KIF13B: variants seen among roughly 807,000 people sequenced by gnomAD.
The protein encoded by KIF13B is kinesin-like protein KIF13B.
A neutral mutation model predicts 222.0 loss-of-function variants in KIF13B; 127 were observed. The observed-to-expected ratio is 0.57, with a 90% confidence interval of 0.50 to 0.66. KIF13B has a LOEUF of 0.66. Ranked by LOEUF, KIF13B falls within the 30% of genes least tolerant of loss-of-function variation. The pLI is 0.00. For missense variants in KIF13B, 2,173 were observed against 2,379.0 expected (o/e 0.91, Z 1.80); for synonymous variants, 976 against 919.0 (o/e 1.06, Z -1.12).
At chr8:29,079,471 G>GT (rs1807708947) in intron 37 of KIF13B, among the ~76,000 whole-genome samples, 2 of 152,260 alleles carry the variant, frequency 1.3e-5, no homozygotes, top group South Asian at 4.1e-4. Context: ...ATTCATCCCT[G>GT]TATTTCCTTA....
intron 1 of KIF13B, among the ~76,000 whole-genome samples, 189 bp downstream of exon 1, chr8:29,262,791 G>A (rs1017540529): frequency 6.6e-6 from 1 of 150,860 alleles, no homozygotes; most frequent in Non-Finnish European, 1.5e-5. Flanking sequence ...GGCCAGGGGG[G>A]AAGGGAGGGG....
intron 31 of KIF13B, among the ~76,000 whole-genome samples, chr8:29,113,974 T>C (rs1203474819): frequency 6.6e-6 from 1 of 152,214 alleles, no homozygotes; most frequent in East Asian, 1.9e-4. Context: ...ACCATGAATA[T>C]TGACAAGTCC....
rs534419872 is a variant in KIF13B, at chr8:29,074,614, C to T, written c.4521+667G>A. ...CTCAAACCTGCCTCAGAGAAGAGACCGGCACCATTCCCAGGGGAGGGGGCA... is the reference window on the plus strand; with the variant it reads ...CTCAAACCTGCCTCAGAGAAGAGACTGGCACCATTCCCAGGGGAGGGGGCA... On this transcript the variant is annotated intron_variant, in intron 38 of 39. Transcript: ENST00000524189. Among the ~76,000 whole-genome samples the T allele has an allele frequency of 4.9e-4, 75 of 152,342 alleles. No homozygotes were observed. The South Asian group carries it at 0.014, about 29-fold the overall frequency.
chr8:29,172,976 A>G (rs1812313661), intron 10 of KIF13B, among the ~76,000 whole-genome samples: 1 of 150,702 alleles, frequency 6.6e-6, no homozygotes, highest in Admixed American at 6.6e-5. Context: ...ATGCAATGGC[A>G]TGATATCAGC....
At chr8:29,108,035 G>A (rs1486093975) in intron 35 of KIF13B, 104 bp downstream of exon 35, 5 of 888,814 alleles carry the variant, frequency 5.6e-6, no homozygotes, top group African/African-American at 1.7e-5. Flanking sequence ...ATACAGATGA[G>A]TAGAGGAAAT....
chr8:29,167,900 AAC>A (rs1447522447), intron 10 of KIF13B, among the ~76,000 whole-genome samples: 6 of 152,206 alleles, frequency 3.9e-5, no homozygotes, highest in African/African-American at 1.4e-4. Flanking sequence ...ATACCACAAG[AAC>A]ACAGACTACT....
intron 13 of KIF13B, among the ~76,000 whole-genome samples, chr8:29,160,175 A>G (rs1811711159): frequency 6.6e-6 from 1 of 152,206 alleles, no homozygotes; most frequent in Admixed American, 6.5e-5. Context: ...ATTTCAGTGG[A>G]TACCAATATT....
intron 2 of KIF13B, among the ~76,000 whole-genome samples, chr8:29,208,165 G>A (rs962582705): frequency 3.3e-5 from 5 of 152,108 alleles, no homozygotes; most frequent in Non-Finnish European, 5.9e-5. Flanking sequence ...AATAAAAATT[G>A]GTTGAAATGA....
rs758026490 is a variant in KIF13B, at chr8:29,186,313, C to T, written c.476G>A (p.Arg159Gln). The change falls in exon 6 of 40, where the codon CGA becomes CAA. Residue 159 changes from arginine (R) to glutamine (Q), a missense_variant. Physicochemically the swap from Arg to Gln is conservative, Grantham distance 43. Coordinates refer to ENST00000524189, the MANE Select transcript of KIF13B (RefSeq NM_015254.4). Reference protein sequence around the residue: ...SYMEIYNEKVRDLLDPKGSRQ... With the variant: ...SYMEIYNEKVQDLLDPKGSRQ... ...TTACCCTTTGGGATCAAGAAGGTCT[C>T]GAACTTTTTCATTATAAATTTCCAT... 2.5e-5 allele frequency: 40 copies of T among 1,612,602 alleles called. No homozygotes were observed. Among genetic ancestry groups the T allele is most frequent in the South Asian group, 3.3e-5 (3 of 90,796 alleles).
chr8:29,070,386 C>G lies in KIF13B; in HGVS notation c.*118G>C, dbSNP rs1807195953. ...CACCAGCCCTGTGTCGTGCAAAAAGCATTCATCGCCCTGCCCCTGGGGAAG... is the reference window on the plus strand; with the variant it reads ...CACCAGCCCTGTGTCGTGCAAAAAGGATTCATCGCCCTGCCCCTGGGGAAG... On this transcript the variant is annotated 3_prime_UTR_variant, in exon 40 of 40. Coordinates refer to ENST00000524189, the MANE Select transcript of KIF13B (RefSeq NM_015254.4). The surrounding 1 kb of genome is among the most constrained non-coding windows in gnomAD (Gnocchi z 4.1). The G allele has an allele frequency of 4.4e-6, 5 of 1,141,124 alleles. No homozygotes were observed. The Admixed American group carries it at 7.3e-5, about 17-fold the overall frequency. 70.7% of individuals were successfully genotyped at this position (1,141,124 alleles called of 1,614,324 possible).
rs1487935024 is a variant in KIF13B, at chr8:29,181,985, G to T, written c.519C>A (p.Val173=). 2.5e-6 allele frequency: 4 copies of T among 1,612,974 alleles called. No individual in the cohort carries two copies. Among genetic ancestry groups the T allele is most frequent in the Non-Finnish European group, 3.4e-6 (4 of 1,179,512 alleles). Residue 173 remains valine (V), a synonymous_variant, in exon 7 of 40, where the codon GTC becomes GTA. Transcript: ENST00000524189. The part of the protein sequence containing the change: ...DPKGSRQTLK[V]REHSVLGPYV... ...AAGGTCCCAACACACTATGCTCTCTGACTTTCAACGTCTGACGGCTTCTGT... is the reference window on the plus strand; with the variant it reads ...AAGGTCCCAACACACTATGCTCTCTTACTTTCAACGTCTGACGGCTTCTGT...
chr8:29,243,122 G>A (rs753747333), intron 2 of KIF13B, among the ~76,000 whole-genome samples: 11 of 151,758 alleles, frequency 7.2e-5, no homozygotes, highest in Non-Finnish European at 1.2e-4. Context: ...AAAGGCAGGC[G>A]GATCACTTGA....
rs766544820 is a variant in KIF13B at position 29,070,789 on chromosome 8, T to TA, written c.5219-24dup. ...TACCTGCGGGGGAAGGAGAGGGTGA[T>TA]ATGGAGGGCAGCCGAGCTGCAGACG... On this transcript the variant is annotated intron_variant, in intron 39 of 39. Coordinates refer to ENST00000524189, the MANE Select transcript of KIF13B (RefSeq NM_015254.4). The surrounding 1 kb of genome is among the most constrained non-coding windows in gnomAD (Gnocchi z 4.1). 1.7e-5 allele frequency: 27 copies of TA among 1,581,354 alleles called. No individual in the cohort carries two copies. Among genetic ancestry groups the TA allele is most frequent in the African/African-American group, 8.1e-5 (6 of 74,208 alleles).
intron 13 of KIF13B, among the ~76,000 whole-genome samples, 152 bp from the exon 14 acceptor site, chr8:29,156,008 C>A (rs1017061594): frequency 6.6e-6 from 1 of 151,846 alleles, no homozygotes; most frequent in Admixed American, 6.6e-5. Context: ...TTGCTCTATC[C>A]CCCATGCTGG....
intron 24 of KIF13B, among the ~76,000 whole-genome samples, chr8:29,129,385 T>C (rs1357214365): frequency 1.3e-5 from 2 of 152,234 alleles, no homozygotes; most frequent in Non-Finnish European, 2.9e-5. Context: ...GTACAACACA[T>C]GCTTTAATTT....
chr8:29,132,638 G>A (rs2068538704), intron 22 of KIF13B, among the ~76,000 whole-genome samples, 173 bp from the exon 23 acceptor site: 1 of 152,066 alleles, frequency 6.6e-6, no homozygotes. Flanking sequence ...ATGGCAAAAG[G>A]TTCTTGACTT....
At chr8:29,108,095 G>C in intron 35 of KIF13B, 44 bp downstream of exon 35, 3 of 1,514,860 alleles carry the variant, frequency 2.0e-6, no homozygotes, top group Non-Finnish European at 2.7e-6. Context: ...AGCTGAATGG[G>C]AAATGGGACT....
intron 18 of KIF13B, among the ~76,000 whole-genome samples, chr8:29,145,065 A>C (rs959908367): frequency 2.6e-5 from 4 of 152,204 alleles, no homozygotes; most frequent in Non-Finnish European, 5.9e-5. Flanking sequence ...CTTCAAGGAG[A>C]AACTAGGCCC....
At chr8:29,114,497 T>C (rs1263792544) in intron 31 of KIF13B, among the ~76,000 whole-genome samples, 5 of 152,218 alleles carry the variant, frequency 3.3e-5, no homozygotes, top group African/African-American at 1.2e-4. Context: ...GAGATCACTG[T>C]CCTTAGGGGT....
Sources: allele counts gnomAD v4.1 joint callset (sites outside exome capture counted in the v4.1 genomes callset), GRCh38; gene constraint gnomAD v4.1.1; non-coding constraint Gnocchi (gnomAD v3.1); transcripts MANE v1.5; gene names NCBI Gene and HGNC (gene_info 2026-07-23, HGNC 2026-07-21).